The following MALRD1 variants were observed in gnomAD, a reference collection of about 807,000 sequenced individuals.
The protein encoded by MALRD1 is MAM and LDL-receptor class A domain-containing protein 1.
In MALRD1, 247 loss-of-function variants were observed where a neutral mutation model predicts 242.1. The ratio of observed to expected loss-of-function variants is 1.02; its 90% confidence interval spans 0.92 to 1.13. MALRD1 has a LOEUF of 1.13. Among genes scored for constraint, MALRD1 ranks in the 50% most tolerant of loss-of-function variants. The pLI, the probability that MALRD1 is intolerant of heterozygous loss-of-function variation, is 0.00. For synonymous variants in MALRD1, 995 were observed against 866.6 expected (o/e 1.15, Z -2.60); for missense variants, 2,989 against 2,533.1 (o/e 1.18, Z -3.86).
intron 21 of MALRD1, among the ~76,000 whole-genome samples, chr10:19,291,001 T>A (rs192345425): frequency 1.4e-3 from 208 of 152,312 alleles, no homozygotes; most frequent in African/African-American, 4.7e-3. Context: ...CCGTAAGTTT[T>A]ATGATCATTT....
intron 14 of MALRD1, among the ~76,000 whole-genome samples, chr10:19,195,561 T>C (rs1466292093): frequency 6.6e-6 from 1 of 152,206 alleles, no homozygotes; most frequent in Non-Finnish European, 1.5e-5. Context: ...CTTAAATTTT[T>C]CATACCCACC....
At chr10:19,210,343 C>G (rs1001806115) in intron 18 of MALRD1, among the ~76,000 whole-genome samples, 1 of 152,236 alleles carries the variant, frequency 6.6e-6, no homozygotes, top group East Asian at 1.9e-4. Context: ...TTTGTAGATT[C>G]AAAGAAAAAA....
At chr10:19,146,660 G>A (rs1055298202) in intron 11 of MALRD1, among the ~76,000 whole-genome samples, 5 of 152,176 alleles carry the variant, frequency 3.3e-5, no homozygotes, top group African/African-American at 4.8e-5. Flanking sequence ...TCTTTTTAGA[G>A]CAATCCAATT....
At chr10:19,733,837 A>G (rs528862073) in intron 39 of MALRD1, among the ~76,000 whole-genome samples, 1 of 152,020 alleles carries the variant, frequency 6.6e-6, no homozygotes, top group Non-Finnish European at 1.5e-5. Context: ...TAACCTAACT[A>G]TATTCAATAC....
intron 4 of MALRD1, among the ~76,000 whole-genome samples, chr10:19,096,837 C>T (rs915215966): frequency 6.6e-6 from 1 of 152,188 alleles, no homozygotes. Flanking sequence ...TCGGTCCCAG[C>T]TGGATCCCAG....
At chr10:19,293,556 A>G (rs1360703636) in intron 21 of MALRD1, among the ~76,000 whole-genome samples, 3 of 152,216 alleles carry the variant, frequency 2.0e-5, no homozygotes, top group African/African-American at 7.2e-5. Context: ...TTATCTGGAT[A>G]ATTTTTAAAA....
At chr10:19,462,219 C>G (rs2131099842) in intron 29 of MALRD1, among the ~76,000 whole-genome samples, 1 of 152,288 alleles carries the variant, frequency 6.6e-6, no homozygotes, top group East Asian at 1.9e-4. Flanking sequence ...TGCAAACCAA[C>G]CACTCTAGAG....
At chr10:19,453,559 C>T (rs1835442943) in intron 29 of MALRD1, among the ~76,000 whole-genome samples, 1 of 152,018 alleles carries the variant, frequency 6.6e-6, no homozygotes, top group Admixed American at 6.6e-5. Context: ...CTAATCTGGG[C>T]AACATAGTGA....
chr10:19,630,559 A>G (rs867143376), intron 36 of MALRD1, among the ~76,000 whole-genome samples: 7 of 152,160 alleles, frequency 4.6e-5, no homozygotes, highest in South Asian at 2.1e-4. Context: ...TAGTTTGAAT[A>G]AAGACTTTAG....
intron 32 of MALRD1, among the ~76,000 whole-genome samples, chr10:19,532,029 A>G (rs1357729602): frequency 6.6e-6 from 1 of 152,152 alleles, no homozygotes; most frequent in Non-Finnish European, 1.5e-5. Context: ...TTGTCTTTAT[A>G]TCAAATATGG....
At chr10:19,541,298 CAT>C (rs535214485) in intron 32 of MALRD1, among the ~76,000 whole-genome samples, 173 of 152,288 alleles carry the variant, frequency 1.1e-3, no homozygotes, top group African/African-American at 4.0e-3. Context: ...ATTTAAGAGA[CAT>C]ATGCAATTAT....
chr10:19,627,458 CCA>C (rs1189164625), intron 36 of MALRD1, among the ~76,000 whole-genome samples: 1 of 151,938 alleles, frequency 6.6e-6, no homozygotes, highest in Non-Finnish European at 1.5e-5. Flanking sequence ...AATAACAGGG[CCA>C]CGTGCGGTGG....
intron 21 of MALRD1, among the ~76,000 whole-genome samples, chr10:19,317,742 T>C (rs1003921729): frequency 6.6e-5 from 10 of 152,018 alleles, no homozygotes; most frequent in African/African-American, 2.4e-4. Context: ...AAGGAAAACA[T>C]AGTCAGTGTT....
chr10:19,563,464 G>A (rs1375979547), intron 32 of MALRD1, among the ~76,000 whole-genome samples: 2 of 152,156 alleles, frequency 1.3e-5, no homozygotes, highest in Non-Finnish European at 2.9e-5. Flanking sequence ...GGTAATTAAA[G>A]AGCAGACCCC....
At chr10:19,494,416 G>C (rs533148872) in intron 30 of MALRD1, among the ~76,000 whole-genome samples, 5 of 152,106 alleles carry the variant, frequency 3.3e-5, no homozygotes, top group African/African-American at 1.2e-4. Flanking sequence ...CTCCAGCAAG[G>C]GTTCTTAATC....
chr10:19,362,833 C>G (rs1351368369), intron 26 of MALRD1, among the ~76,000 whole-genome samples: 1 of 151,982 alleles, frequency 6.6e-6, no homozygotes, highest in Non-Finnish European at 1.5e-5. Context: ...TGAAGTTATG[C>G]AAGCAAGAAA....
At chr10:19,544,712 A>G (rs1158779837) in intron 32 of MALRD1, among the ~76,000 whole-genome samples, 1 of 152,086 alleles carries the variant, frequency 6.6e-6, no homozygotes, top group Admixed American at 6.5e-5. Flanking sequence ...TAACAGCTCT[A>G]TGACTTATTA....
chr10:19,568,342 TTTG>T (rs911371161), intron 33 of MALRD1, among the ~76,000 whole-genome samples: 7 of 145,192 alleles, frequency 4.8e-5, no homozygotes, highest in East Asian at 2.0e-4. Flanking sequence ...TAAAAGTGGT[TTTG>T]TTGTTGTTGT....
intron 28 of MALRD1, among the ~76,000 whole-genome samples, chr10:19,443,260 C>CA (rs756234971): frequency 3.7e-4 from 56 of 152,076 alleles, no homozygotes; most frequent in Non-Finnish European, 5.4e-4. Context: ...TTGATCTTTT[C>CA]AAAAAATCAG....
Sources: allele counts gnomAD v4.1 joint callset (sites outside exome capture counted in the v4.1 genomes callset), GRCh38; gene constraint gnomAD v4.1.1; transcripts MANE v1.5; gene names NCBI Gene and HGNC (gene_info 2026-07-23, HGNC 2026-07-21).